The following PACSIN2 variants were observed in gnomAD, a reference collection of about 807,000 sequenced individuals.
PACSIN2 encodes the protein protein kinase C and casein kinase substrate in neurons 2, also known as protein kinase C and casein kinase substrate in neurons protein 2.
PACSIN2 carries 25 observed loss-of-function variants against 63.8 expected under a neutral mutation model. That is an observed-to-expected ratio of 0.39 (90% CI 0.29 to 0.55). The LOEUF is 0.55. Ranked by LOEUF, PACSIN2 falls within the 20% of genes least tolerant of loss-of-function variation. PACSIN2 has a pLI of 0.62. For synonymous variants in PACSIN2, 255 were observed against 256.2 expected, an observed-to-expected ratio of 1.00 and a Z score of 0.05; for missense variants, 518 against 646.9, an observed-to-expected ratio of 0.80 and a Z score of 2.16.
chr22:42,907,605 G>T (rs1031007991), intron 2 of PACSIN2, among the ~76,000 whole-genome samples: 2 of 152,268 alleles, frequency 1.3e-5, no homozygotes, highest in African/African-American at 4.8e-5. Flanking sequence ...GTTGGGGTCG[G>T]CGTGCGTGGA....
chr22:42,944,589 T>C (rs979832545), intron 1 of PACSIN2, among the ~76,000 whole-genome samples: 2 of 152,028 alleles, frequency 1.3e-5, no homozygotes, highest in African/African-American at 2.4e-5. Context: ...AAAGAAAAAA[T>C]AGCTTGGACA....
In PACSIN2 at chr22:42,871,440, C is replaced by T. The variant is rs1400256179; in HGVS notation, c.1378G>A (p.Asp460Asn). 1.2e-6 allele frequency: 2 copies of T among 1,614,044 alleles called. No individual in the cohort carries two copies. Among genetic ancestry groups the T allele is most frequent in the Admixed American group, 1.7e-5 (1 of 60,006 alleles). Residue 460 changes from aspartate (D) to asparagine (N), a missense_variant, in exon 11 of 11, where the codon GAT becomes AAT. Physicochemically the swap from Asp to Asn is conservative, Grantham distance 23. Around this residue, in one of 2 missense-constraint regions of PACSIN2, gnomAD observed 507 missense variants for 612.3 expected, o/e 0.83. Coordinates refer to ENST00000263246, the MANE Select transcript of PACSIN2 (RefSeq NM_001184970.3). The surrounding 1 kb of genome is among the most constrained non-coding windows in gnomAD (Gnocchi z 5.4). ...GDELTKMEDE[D>N]EQGWCKGRLD... ...CGTCCCTTGCACCAGCCCTGCTCAT[C>T]CTCGTCCTCCATCTTGGTCAGCTCA...
At chr22:43,007,316 A>T (rs1924157123) in intron 1 of PACSIN2, among the ~76,000 whole-genome samples, 2 of 151,804 alleles carry the variant, frequency 1.3e-5, no homozygotes, top group Admixed American at 6.6e-5. Flanking sequence ...CCCAGGTTCA[A>T]GCGATTCTCC....
intron 1 of PACSIN2, among the ~76,000 whole-genome samples, chr22:42,942,100 CTTT>C (rs11404921): frequency 7.6e-6 from 1 of 132,178 alleles, no homozygotes. Context: ...TTTAAGAGTT[CTTT>C]TTTTTTTTTT....
At chr22:42,906,934 G>T (rs557169181) in intron 2 of PACSIN2, among the ~76,000 whole-genome samples, 2 of 152,346 alleles carry the variant, frequency 1.3e-5, no homozygotes, top group South Asian at 4.1e-4. Context: ...AACCATCCTG[G>T]AAGTAGGAAA....
At chr22:42,911,939 A>G (rs1213834685) in intron 2 of PACSIN2, 82 bp downstream of exon 2, 2 of 987,298 alleles carry the variant, frequency 2.0e-6, no homozygotes, top group Non-Finnish European at 3.1e-6. Flanking sequence ...TCAGTTCCCA[A>G]CCTCCACCAA....
At chr22:42,886,039 C>T (rs1929449225) in intron 5 of PACSIN2, among the ~76,000 whole-genome samples, 1 of 152,202 alleles carries the variant, frequency 6.6e-6, no homozygotes, top group South Asian at 2.1e-4. Flanking sequence ...TGACACAGAG[C>T]AGCCCCATCT....
At chr22:42,937,035 G>A (rs1333712979) in intron 1 of PACSIN2, among the ~76,000 whole-genome samples, 1 of 152,196 alleles carries the variant, frequency 6.6e-6, no homozygotes, top group Non-Finnish European at 1.5e-5. Flanking sequence ...CTGTATATTG[G>A]GTGCCTGTGC....
At chr22:43,005,441 C>T (rs1256945248) in intron 1 of PACSIN2, among the ~76,000 whole-genome samples, 1 of 152,168 alleles carries the variant, frequency 6.6e-6, no homozygotes, top group African/African-American at 2.4e-5. Context: ...CTTACCCCAA[C>T]AAAAGGGCCA....
At chr22:42,945,082 G>A (rs1281745233) in intron 1 of PACSIN2, among the ~76,000 whole-genome samples, 1 of 137,270 alleles carries the variant, frequency 7.3e-6, no homozygotes, top group Non-Finnish European at 1.5e-5. Context: ...TGGACGACAG[G>A]GCAAGACTCG....
intron 2 of PACSIN2, among the ~76,000 whole-genome samples, chr22:42,895,428 T>C (rs985538037): frequency 6.6e-6 from 1 of 152,238 alleles, no homozygotes. Context: ...GGTTTTCATC[T>C]GCCTATTACC....
At chr22:43,011,821 G>A (rs557400258) in intron 1 of PACSIN2, among the ~76,000 whole-genome samples, 2 of 152,050 alleles carry the variant, frequency 1.3e-5, no homozygotes, top group African/African-American at 2.4e-5. Flanking sequence ...AGATCAGCCT[G>A]GCCAACATGG....
intron 2 of PACSIN2, among the ~76,000 whole-genome samples, chr22:42,906,242 A>C (rs577736726): frequency 6.6e-6 from 1 of 152,364 alleles, no homozygotes; most frequent in African/African-American, 2.4e-5. Context: ...AAGGGGGACA[A>C]AGGACAGCTT....
At chr22:42,888,910 G>A in intron 4 of PACSIN2, 112 bp from the exon 5 acceptor site, 2 of 1,076,520 alleles carry the variant, frequency 1.9e-6, no homozygotes, top group Non-Finnish European at 2.8e-6. Context: ...GAAAAAGGCA[G>A]GTACAAAATT....
In PACSIN2 at chr22:42,879,060, C is replaced by T. The variant is rs774251848; in HGVS notation, c.1016G>A (p.Ser339Asn). Reference sequence around the variant, plus strand: ...GGCGCCCACTCACCTGCTGGGCTTACTCGGCAGAGACTGGTCGCCTGTCTG... The same window carrying T: ...GGCGCCCACTCACCTGCTGGGCTTATTCGGCAGAGACTGGTCGCCTGTCTG... Reference protein sequence around the residue: ...INQTGDQSLPSKPSSTLNVPS... With the variant: ...INQTGDQSLPNKPSSTLNVPS... The change falls in exon 8 of 11, where the codon AGT becomes AAT. Residue 339 changes from serine (S) to asparagine (N), a missense_variant. By Grantham distance (46) the Ser-to-Asn change is conservative. This residue lies in a region of PACSIN2 where 507 missense variants were observed against 612.3 expected (regional missense o/e 0.83). Transcript: ENST00000263246. 3 of 1,613,900 alleles carry T rather than the reference C, an allele frequency of 1.9e-6. No homozygotes were observed. The highest frequency in any genetic ancestry group is 4.5e-5 in the East Asian group (2 of 44,880).
chr22:42,985,560 C>T (rs1922546634), intron 1 of PACSIN2, among the ~76,000 whole-genome samples: 1 of 152,196 alleles, frequency 6.6e-6, no homozygotes. Flanking sequence ...CTGCCTCCAG[C>T]CCTCGCTCGG....
At chr22:43,000,609 G>A (rs1235541629) in intron 1 of PACSIN2, among the ~76,000 whole-genome samples, 4 of 152,120 alleles carry the variant, frequency 2.6e-5, no homozygotes, top group Non-Finnish European at 5.9e-5. Flanking sequence ...GGAAATGAGC[G>A]TACACCCAAA....
intron 2 of PACSIN2, among the ~76,000 whole-genome samples, chr22:42,901,296 T>C (rs138901031): frequency 6.6e-6 from 1 of 152,266 alleles, no homozygotes; most frequent in East Asian, 1.9e-4. Flanking sequence ...TGACCAAATA[T>C]GCCAAGAAGC....
chr22:42,971,862 G>A (rs1178282727), intron 1 of PACSIN2, among the ~76,000 whole-genome samples: 2 of 150,100 alleles, frequency 1.3e-5, no homozygotes, highest in African/African-American at 2.5e-5. Context: ...GGCAGCCCCC[G>A]CCCAGCCAGC....
Sources: allele counts gnomAD v4.1 joint callset (sites outside exome capture counted in the v4.1 genomes callset), GRCh38; gene constraint gnomAD v4.1.1; regional missense constraint gnomAD v4.1.1; non-coding constraint Gnocchi (gnomAD v3.1); transcripts MANE v1.5; gene names NCBI Gene and HGNC (gene_info 2026-07-23, HGNC 2026-07-21).